Variants in BRD2 observed in about 807,000 individuals in gnomAD.
BRD2 encodes the protein bromodomain-containing protein 2.
In BRD2, 15 loss-of-function variants were observed where a neutral mutation model predicts 79.1. That is an observed-to-expected ratio of 0.19 (90% CI 0.13 to 0.29). The LOEUF (loss-of-function observed/expected upper bound fraction) is 0.29. BRD2 is among the 10% of genes least tolerant of loss of function. The probability of loss-of-function intolerance (pLI) is 1.00; values close to 1 mark genes in which losing one functional copy is unlikely to be tolerated. For missense variants in BRD2, 1,053 were observed against 991.3 expected, an observed-to-expected ratio of 1.06 and a Z score of -0.84; for synonymous variants, 488 against 358.6, an observed-to-expected ratio of 1.36 and a Z score of -4.08.
chr6:32,975,278 T>TA, intron 3 of BRD2, 106 bp from the exon 4 acceptor site: 1 of 1,036,774 alleles, frequency 9.6e-7, no homozygotes, highest in Non-Finnish European at 1.4e-6. Flanking sequence ...CTTTGATGCA[T>TA]AGGGGGGGTG....
Position 32,976,293 on chromosome 6 carries a change from C to G in BRD2, c.654C>G (p.Val218=), listed in dbSNP as rs1778742689. The part of the protein sequence containing the change: ...SVTSAHQVPA[V]SSVSHTALYT... ...CCAGTGCCCATCAGGTGCCTGCCGTCTCTTCTGTGTCACACACAGCCCTGT... is the reference window on the plus strand; with the variant it reads ...CCAGTGCCCATCAGGTGCCTGCCGTGTCTTCTGTGTCACACACAGCCCTGT... The change falls in exon 6 of 13, where the codon GTC becomes GTG. Residue 218 remains valine, a synonymous_variant. Coordinates refer to ENST00000374825, the MANE Select transcript of BRD2 (RefSeq NM_005104.4). 1.2e-6 allele frequency: 2 copies of G among 1,612,968 alleles called. No individual in the cohort carries two copies. The highest frequency in any genetic ancestry group is 1.3e-5 in the African/African-American group (1 of 74,926).
chr6:32,977,009 T>C, intron 7 of BRD2, 73 bp downstream of exon 7: 1 of 1,510,490 alleles, frequency 6.6e-7, no homozygotes, highest in African/African-American at 1.4e-5. Context: ...TAAGTCTCCT[T>C]ATGTGGGCAC....
chr6:32,979,834 C>T lies in BRD2; in HGVS notation c.1848C>T (p.Pro616=). ...GPSGGSGTKL[P]KKATKTAPPA... ...CAACTCTTTTTGCCCTTAGGCTCCCCAAAAAGGCCACAAAGACAGCCCCAC... is the reference window on the plus strand; with the variant it reads ...CAACTCTTTTTGCCCTTAGGCTCCCTAAAAAGGCCACAAAGACAGCCCCAC... The change falls in exon 11 of 13, where the codon CCC becomes CCT. Residue 616 remains proline (P), a synonymous_variant. Coordinates refer to ENST00000374825, the MANE Select transcript of BRD2 (RefSeq NM_005104.4). 2 of 1,611,110 alleles carry T rather than the reference C, an allele frequency of 1.2e-6. No homozygotes were observed. The highest frequency in any genetic ancestry group is 8.5e-7 in the Non-Finnish European group (1 of 1,178,928).
Position 32,972,767 on chromosome 6 carries a change from T to C in BRD2, c.-132T>C. On this transcript the variant is annotated 5_prime_UTR_variant, in exon 2 of 13. Coordinates refer to ENST00000374825, the MANE Select transcript of BRD2 (RefSeq NM_005104.4). Reference sequence around the variant, plus strand: ...GCTTTCGTGCCGGCCAGGCAGGGGGTTTGTCGCCTGGAGGCCCAAGAGGAA... The same window carrying C: ...GCTTTCGTGCCGGCCAGGCAGGGGGCTTGTCGCCTGGAGGCCCAAGAGGAA... 1 of 1,379,502 alleles carries C rather than the reference T, an allele frequency of 7.2e-7. No individual in the cohort carries two copies. 85.5% of individuals were successfully genotyped at this position (1,379,502 alleles called of 1,614,324 possible). A position where few individuals can be genotyped will look rare whatever the true frequency, so the allele number is the denominator to read the frequency against.
In BRD2 at chr6:32,972,815, G is replaced by T. The variant is rs1778196224; in HGVS notation, c.-84G>T. The T allele has an allele frequency of 1.9e-6, 3 of 1,604,256 alleles. No individual in the cohort carries two copies. Among genetic ancestry groups the T allele is most frequent in the African/African-American group, 1.3e-5 (1 of 74,944 alleles). On this transcript the variant is annotated 5_prime_UTR_variant, in exon 2 of 13. Coordinates refer to ENST00000374825, the MANE Select transcript of BRD2 (RefSeq NM_005104.4). ...GAACGGCCTCCCCCCAACTTAGCGG[G>T]TTATGCTGGACCGGGCGGTGAGGGG... is the stretch of plus-strand genomic sequence containing the variant.
chr6:32,970,029 G>T (rs1371617591), intron 1 of BRD2, among the ~76,000 whole-genome samples: 1 of 152,214 alleles, frequency 6.6e-6, no homozygotes, highest in African/African-American at 2.4e-5. Context: ...AGGATCGGGA[G>T]GCAGTGATTT....
At chr6:32,977,300 C>T (rs781577913) in intron 7 of BRD2, 142 bp from the exon 8 acceptor site, 3 of 1,596,794 alleles carry the variant, frequency 1.9e-6, no homozygotes, top group South Asian at 1.1e-5. Flanking sequence ...CCTTTGACTT[C>T]AAACTTGAAC....
In BRD2 at chr6:32,980,410, C is replaced by T. The variant is rs2127527874; in HGVS notation, c.2215C>T (p.Arg739Trp). The T allele has an allele frequency of 3.1e-6, 5 of 1,613,026 alleles. No individual in the cohort carries two copies. Among genetic ancestry groups the T allele is most frequent in the African/African-American group, 1.3e-5 (1 of 75,044 alleles). Residue 739 changes from arginine (R) to tryptophan (W), a missense_variant, in exon 12 of 13, where the codon CGG becomes TGG. Transcript: ENST00000374825. ...GGAGAAAAAGCGGGAATTAGAAAAG[C>T]GGTTACAAGATGTCAGCGGACAGCT... ...ALEKKRELEK[R>W]LQDVSGQLNS...
In BRD2 at chr6:32,980,720, G is replaced by A. The variant is rs200531629; in HGVS notation, c.*2G>A. ...ACCAGTGATTCAGACTCAGGCTAAG[G>A]GGTCAGGCCAGATGGGGCAGGAAGG... On this transcript the variant is annotated 3_prime_UTR_variant, in exon 13 of 13. Transcript: ENST00000374825. The A allele has an allele frequency of 1.2e-6, 2 of 1,612,608 alleles. No homozygotes were observed. The highest frequency in any genetic ancestry group is 1.7e-6 in the Non-Finnish European group (2 of 1,180,030).
rs750051591 is a variant in BRD2 at position 32,974,654 on chromosome 6, A to G, written c.222A>G (p.Arg74=). ...TGTCCAATCCCAAAAAGCCAGGACG[A>G]GTTACCAACCAGCTGCAATACCTAC... ...PEVSNPKKPG[R]VTNQLQYLHK... Residue 74 remains arginine, a synonymous_variant, in exon 3 of 13, where the codon CGA becomes CGG. Transcript: ENST00000374825. 43 of 1,614,152 alleles carry G rather than the reference A, an allele frequency of 2.7e-5. No homozygotes were observed. In the East Asian group the frequency reaches 7.8e-4, roughly 29 times the overall value.
At chr6:32,975,595 A>C (rs922512060) in intron 4 of BRD2, 74 bp downstream of exon 4, 1 of 1,563,238 alleles carries the variant, frequency 6.4e-7, no homozygotes, top group Non-Finnish European at 8.7e-7. Context: ...TATGTTGTCT[A>C]CATAAAGTTT....
rs1239785523 is a variant in BRD2, at chr6:32,976,257, G to C, written c.618G>C (p.Gln206His). ...TTTTTTCCTTTTTTCTAGCGCTCCA[G>C]GGCAGTGTTACCAGTGCCCATCAGG... ...HKKGAKLAAL[Q>H]GSVTSAHQVP... is the part of the protein sequence containing the mutation. The change falls in exon 6 of 13, where the codon CAG (glutamine) becomes CAC (histidine). Residue 206 changes from glutamine to histidine, a missense_variant. By Grantham distance (24) the Gln-to-His change is conservative. Transcript: ENST00000374825. 2 of 1,612,866 alleles carry C rather than the reference G, an allele frequency of 1.2e-6. No individual in the cohort carries two copies. The highest frequency in any genetic ancestry group is 1.7e-6 in the Non-Finnish European group (2 of 1,179,936).
chr6:32,971,084 G>C (rs1297047350), intron 1 of BRD2: 1 of 152,184 alleles, frequency 6.6e-6, no homozygotes, highest in Admixed American at 6.5e-5. Flanking sequence ...TGTGGCGTGT[G>C]GGGGGAAAGG....
rs577279696 is a variant in BRD2, at chr6:32,978,490, T to C, written c.1841+102T>C. ...TAATTCTAAATGGCCAGTTAACAGATACAATAGGCTTTGAGCAGTGGTCCC... is the reference window on the plus strand; with the variant it reads ...TAATTCTAAATGGCCAGTTAACAGACACAATAGGCTTTGAGCAGTGGTCCC... On this transcript the variant is annotated intron_variant, in intron 10 of 12. Coordinates refer to ENST00000374825, the MANE Select transcript of BRD2 (RefSeq NM_005104.4). 2,022 of 1,520,764 alleles carry C rather than the reference T, an allele frequency of 1.3e-3. 7 individuals are homozygous for C. The highest frequency in any genetic ancestry group is 5.2e-3 in the South Asian group (396 of 76,618). The allele number at this position is 1,520,764 out of a possible 1,614,324, so 94.2% of individuals were successfully genotyped here.
chr6:32,973,296 C>A (rs552815158), intron 2 of BRD2, among the ~76,000 whole-genome samples: 2 of 152,034 alleles, frequency 1.3e-5, no homozygotes, highest in African/African-American at 4.8e-5. Flanking sequence ...TCACGGACAC[C>A]TCTAGCGCCC....
intron 3 of BRD2, 97 bp from the exon 4 acceptor site, chr6:32,975,281 GGGGGGT>G (rs1561938573): frequency 4.1e-6 from 2 of 492,390 alleles, no homozygotes; most frequent in African/African-American, 2.1e-5. Flanking sequence ...TGATGCATAG[GGGGGGT>G]GTGTGTGTGT....
At position 32,971,987 on chromosome 6, in the gene BRD2, A is replaced by G. The variant is rs1473841810; in HGVS notation, c.-912A>G. On this transcript the variant is annotated 5_prime_UTR_variant, in exon 2 of 13. An upstream start codon of the reference 5' UTR is lost. Coordinates refer to ENST00000374825, the MANE Select transcript of BRD2 (RefSeq NM_005104.4). ...CTGCCTGGTGACTGACACCTTGGAA[A>G]TGAAGTTTATGACGTCATCGTTGCG... is the stretch of plus-strand genomic sequence containing the variant. 2.0e-5 allele frequency: 14 copies of G among 702,600 alleles called. No individual in the cohort carries two copies. The highest frequency in any genetic ancestry group is 2.0e-5 in the Admixed American group (1 of 49,986). The allele number at this position is 702,600 out of a possible 1,614,324, so 43.5% of individuals were successfully genotyped here. A position where few individuals can be genotyped will look rare whatever the true frequency, so the allele number is the denominator to read the frequency against.
At position 32,972,857 on chromosome 6, in the gene BRD2, A is replaced by G. The variant is rs757288990; in HGVS notation, c.-42A>G. 3 of 1,613,760 alleles carry G rather than the reference A, an allele frequency of 1.9e-6. No individual in the cohort carries two copies. The highest frequency in any genetic ancestry group is 2.5e-6 in the Non-Finnish European group (3 of 1,179,984). ...GGTGAGGGGAACCGAGGCCACCCGG[A>G]CTTTCCGCGGCTGAGGGCAGCGCCG... On this transcript the variant is annotated 5_prime_UTR_variant, in exon 2 of 13. Transcript: ENST00000374825.
chr6:32,972,570 A>C lies in BRD2; in HGVS notation c.-329A>C. 2.1e-6 allele frequency: 1 copy of C among 483,544 alleles called. No individual in the cohort carries two copies. The highest frequency in any genetic ancestry group is 2.6e-5 in the South Asian group (1 of 38,626). 30.0% of individuals were successfully genotyped at this position (483,544 alleles called of 1,614,324 possible). The stretch of plus-strand genomic sequence containing the variant: ...CGACAAGAAGAGGGAATCCCTGCAG[A>C]CCAACAGCGGGCTATATTGACGACG... On this transcript the variant is annotated 5_prime_UTR_variant, in exon 2 of 13. Coordinates refer to ENST00000374825, the MANE Select transcript of BRD2 (RefSeq NM_005104.4).
Sources: gnomAD v4.1 joint callset for allele counts (sites outside exome capture counted in the v4.1 genomes callset) on GRCh38, gnomAD v4.1.1 for gene constraint, MANE v1.5 for transcripts, NCBI Gene and HGNC (gene_info 2026-07-23, HGNC 2026-07-21) for gene names.